Variants in CORIN observed in about 807,000 individuals in gnomAD.
CORIN encodes atrial natriuretic peptide-converting enzyme.
In CORIN, 117 loss-of-function variants were observed where a neutral mutation model predicts 125.3. That is an observed-to-expected ratio of 0.93 (90% CI 0.80 to 1.09). The LOEUF (loss-of-function observed/expected upper bound fraction) is 1.09. Ranked by LOEUF, CORIN falls within the 50% of genes least tolerant of loss-of-function variation. The probability of loss-of-function intolerance (pLI) is 0.00; values close to 1 mark genes in which losing one functional copy is unlikely to be tolerated. For synonymous variants in CORIN, 450 were observed against 466.4 expected (o/e 0.96, Z 0.45); for missense variants, 1,253 against 1,306.7 (o/e 0.96, Z 0.63).
At chr4:47,783,234 A>T (rs1730630849) in intron 3 of CORIN, among the ~76,000 whole-genome samples, 1 of 152,132 alleles carries the variant, frequency 6.6e-6, no homozygotes, top group African/African-American at 2.4e-5. Context: ...AAACCCAGAT[A>T]TAGAATACAA....
chr4:47,691,283 A>C (rs543459765), intron 6 of CORIN, among the ~76,000 whole-genome samples: 95 of 152,334 alleles, frequency 6.2e-4, no homozygotes, highest in Non-Finnish European at 9.3e-4. Flanking sequence ...TAGAGATTCT[A>C]CCAAATTCCC....
chr4:47,770,197 C>T (rs1427098296), intron 3 of CORIN, among the ~76,000 whole-genome samples: 2 of 151,738 alleles, frequency 1.3e-5, no homozygotes, highest in African/African-American at 4.8e-5. Flanking sequence ...GGAAAAGGCC[C>T]TAAATAGACA....
At chr4:47,614,496 G>A (rs945657164) in intron 19 of CORIN, among the ~76,000 whole-genome samples, 1 of 152,040 alleles carries the variant, frequency 6.6e-6, no homozygotes, top group Admixed American at 6.6e-5. Flanking sequence ...ACCATACTTG[G>A]CCCTTTACCT....
chr4:47,774,238 T>C (rs1245965745), intron 3 of CORIN, among the ~76,000 whole-genome samples: 2 of 152,126 alleles, frequency 1.3e-5, no homozygotes, highest in Non-Finnish European at 2.9e-5. Flanking sequence ...CCAGCTGCAG[T>C]GCGGGAGGCA....
chr4:47,738,693 G>A (rs1306349928), intron 5 of CORIN, among the ~76,000 whole-genome samples: 1 of 151,982 alleles, frequency 6.6e-6, no homozygotes, highest in Non-Finnish European at 1.5e-5. Flanking sequence ...CCATATAGAG[G>A]GGGAAAAAAC....
intron 19 of CORIN, among the ~76,000 whole-genome samples, chr4:47,613,402 G>A (rs577661665): frequency 8.5e-5 from 13 of 152,242 alleles, no homozygotes; most frequent in South Asian, 4.2e-4. Context: ...TCAGTGAGCC[G>A]AGACCGTGCC....
At chr4:47,784,853 TA>T (rs775666409) in intron 3 of CORIN, among the ~76,000 whole-genome samples, 1 of 152,188 alleles carries the variant, frequency 6.6e-6, no homozygotes, top group Non-Finnish European at 1.5e-5. Context: ...GAATCACTGG[TA>T]AACACTATGC....
intron 12 of CORIN, among the ~76,000 whole-genome samples, chr4:47,654,475 C>T (rs1723874548): frequency 6.6e-6 from 1 of 152,192 alleles, no homozygotes; most frequent in South Asian, 2.1e-4. Flanking sequence ...TCCCCCATTC[C>T]CCAGCAAGAG....
chr4:47,615,900 T>C (rs1722052691), intron 19 of CORIN, among the ~76,000 whole-genome samples: 1 of 152,166 alleles, frequency 6.6e-6, no homozygotes, highest in Non-Finnish European at 1.5e-5. Context: ...TGGCTTCCAC[T>C]TTTTTGGAAG....
intron 1 of CORIN, among the ~76,000 whole-genome samples, chr4:47,808,289 G>A (rs1374720222): frequency 6.6e-6 from 1 of 152,088 alleles, no homozygotes; most frequent in Non-Finnish European, 1.5e-5. Context: ...AAAAATGAAT[G>A]ACCTTTGAGA....
intron 1 of CORIN, among the ~76,000 whole-genome samples, chr4:47,829,708 A>C (rs1317933998): frequency 6.6e-6 from 1 of 152,244 alleles, no homozygotes; most frequent in Non-Finnish European, 1.5e-5. Context: ...CAGTGGTGTC[A>C]GGAAAGATAC....
At chr4:47,784,922 G>C (rs1008239710) in intron 3 of CORIN, among the ~76,000 whole-genome samples, 4 of 152,194 alleles carry the variant, frequency 2.6e-5, no homozygotes, top group African/African-American at 9.7e-5. Context: ...CAAACTGTCT[G>C]TCTCTTTTGG....
chr4:47,701,952 A>C (rs1203655761), intron 5 of CORIN, among the ~76,000 whole-genome samples: 1 of 152,144 alleles, frequency 6.6e-6, no homozygotes, highest in Non-Finnish European at 1.5e-5. Flanking sequence ...ACATAATTTC[A>C]AATTTCTAAA....
In CORIN at chr4:47,654,815, A is replaced by G. The variant is rs983287211; in HGVS notation, c.1736-1155T>C. Reference sequence around the variant, plus strand: ...GGAGACAGTGGACTTGGGGGCATGCAACCTAGTGCATGCCGCAGAGTGGCC... The same window carrying G: ...GGAGACAGTGGACTTGGGGGCATGCGACCTAGTGCATGCCGCAGAGTGGCC... On this transcript the variant is annotated intron_variant, in intron 12 of 21. Transcript: ENST00000273857. 2.0e-5 allele frequency among the ~76,000 whole-genome samples: 3 copies of G among 152,032 alleles called. No homozygotes were observed. In the South Asian group the frequency reaches 6.2e-4, roughly 32 times the overall value.
At chr4:47,695,457 A>G (rs1321306659) in intron 5 of CORIN, among the ~76,000 whole-genome samples, 1 of 152,200 alleles carries the variant, frequency 6.6e-6, no homozygotes, top group Non-Finnish European at 1.5e-5. Flanking sequence ...GACCCTACAT[A>G]TTTGACTCCA....
intron 4 of CORIN, among the ~76,000 whole-genome samples, chr4:47,751,444 A>T (rs775992402): frequency 1.3e-4 from 20 of 152,212 alleles, no homozygotes; most frequent in Non-Finnish European, 2.8e-4. Context: ...AAATCCGTCA[A>T]ATCCATTTTC....
chr4:47,656,767 T>C (rs961124041), intron 12 of CORIN, among the ~76,000 whole-genome samples: 1 of 152,270 alleles, frequency 6.6e-6, no homozygotes, highest in Non-Finnish European at 1.5e-5. Flanking sequence ...AACATAGTGA[T>C]AGAAGTCCTA....
At chr4:47,664,046 T>A (rs896724675) in intron 11 of CORIN, among the ~76,000 whole-genome samples, 1 of 152,122 alleles carries the variant, frequency 6.6e-6, no homozygotes, top group African/African-American at 2.4e-5. Context: ...TACTGCTTTT[T>A]AAAAAAAACT....
chr4:47,656,366 G>T (rs1022384372), intron 12 of CORIN, among the ~76,000 whole-genome samples: 1 of 152,040 alleles, frequency 6.6e-6, no homozygotes, highest in Non-Finnish European at 1.5e-5. Context: ...ATGTTGGCAA[G>T]GCTGGTCTTG....
Sources: gnomAD v4.1 joint callset for allele counts (sites outside exome capture counted in the v4.1 genomes callset) on GRCh38, gnomAD v4.1.1 for gene constraint, MANE v1.5 for transcripts, NCBI Gene and HGNC (gene_info 2026-07-23, HGNC 2026-07-21) for gene names.